ATL2: variants seen among roughly 807,000 people sequenced by gnomAD.
The protein encoded by ATL2 is atlastin-2.
Under a neutral mutation model 73.9 loss-of-function variants are expected in ATL2, and 31 were observed. The ratio of observed to expected loss-of-function variants is 0.42; its 90% CI spans 0.32 to 0.57. ATL2 has a LOEUF of 0.57. ATL2 is among the 20% of genes least tolerant of loss of function. The probability of loss-of-function intolerance (pLI) is 0.14; values close to 1 mark genes in which losing one functional copy is unlikely to be tolerated. For missense variants in ATL2, 738 were observed against 702.6 expected, an observed-to-expected ratio of 1.05 and a Z score of -0.57; for synonymous variants, 291 against 237.5, an observed-to-expected ratio of 1.23 and a Z score of -2.07.
intron 1 of ATL2, among the ~76,000 whole-genome samples, chr2:38,356,492 C>G (rs531713172): frequency 6.6e-6 from 1 of 152,112 alleles, no homozygotes; most frequent in Non-Finnish European, 1.5e-5. Flanking sequence ...CACGCCTGGC[C>G]CATTATTACT....
intron 2 of ATL2, among the ~76,000 whole-genome samples, chr2:38,337,706 T>C (rs541643977): frequency 1.6e-3 from 241 of 151,984 alleles, no homozygotes; most frequent in African/African-American, 5.4e-3. Flanking sequence ...AGTTAGATTA[T>C]AGATGAAATG....
At chr2:38,320,546 T>C (rs779329686) in intron 2 of ATL2, among the ~76,000 whole-genome samples, 1 of 152,172 alleles carries the variant, frequency 6.6e-6, no homozygotes, top group South Asian at 2.1e-4. Context: ...TATGAAATAA[T>C]ACAAAAGTTA....
At chr2:38,310,210 C>T (rs1667671872) in intron 8 of ATL2, 99 bp downstream of exon 8, 2 of 1,322,240 alleles carry the variant, frequency 1.5e-6, no homozygotes, top group Admixed American at 2.3e-5. Flanking sequence ...AAACATTCTC[C>T]AGTATAAGAC....
intron 2 of ATL2, among the ~76,000 whole-genome samples, chr2:38,341,076 A>T (rs1178675531): frequency 6.6e-6 from 1 of 152,160 alleles, no homozygotes; most frequent in Non-Finnish European, 1.5e-5. Flanking sequence ...CCTGAGGTGA[A>T]ACTTATCTGT....
At chr2:38,351,430 A>G (rs755083432) in intron 1 of ATL2, among the ~76,000 whole-genome samples, 2 of 152,116 alleles carry the variant, frequency 1.3e-5, no homozygotes, top group Non-Finnish European at 2.9e-5. Flanking sequence ...TTAGCCATAT[A>G]CTGACATATT....
chr2:38,327,151 T>C (rs1668708307), intron 2 of ATL2, among the ~76,000 whole-genome samples: 1 of 151,924 alleles, frequency 6.6e-6, no homozygotes, highest in South Asian at 2.1e-4. Context: ...AACCAAGGAA[T>C]GTTGTCGCCA....
intron 2 of ATL2, among the ~76,000 whole-genome samples, chr2:38,340,135 C>A (rs1669620419): frequency 8.2e-6 from 1 of 121,798 alleles, no homozygotes; most frequent in Admixed American, 1.2e-4. Flanking sequence ...TGAAATGAAC[C>A]TGTGGTGAAA....
chr2:38,360,990 T>C (rs895114540), intron 1 of ATL2, among the ~76,000 whole-genome samples: 8 of 151,634 alleles, frequency 5.3e-5, no homozygotes, highest in East Asian at 1.9e-4. Flanking sequence ...AGTCAGAGAA[T>C]TGAAATTAAT....
At chr2:38,343,795 C>A (rs759940711) in intron 1 of ATL2, among the ~76,000 whole-genome samples, 1 of 152,118 alleles carries the variant, frequency 6.6e-6, no homozygotes, top group Non-Finnish European at 1.5e-5. Context: ...TGGGAGGTAA[C>A]TGAATCATGG....
At chr2:38,332,586 T>G (rs1251804883) in intron 2 of ATL2, among the ~76,000 whole-genome samples, 1 of 152,238 alleles carries the variant, frequency 6.6e-6, no homozygotes, top group Non-Finnish European at 1.5e-5. Context: ...CCGCACACTT[T>G]AAGTGAATGA....
chr2:38,348,463 T>A (rs1233839245), intron 1 of ATL2, among the ~76,000 whole-genome samples: 2 of 141,408 alleles, frequency 1.4e-5, no homozygotes, highest in Non-Finnish European at 3.0e-5. Context: ...CGAAACTCCA[T>A]CTCAAAAAAA....
Position 38,343,258 on chromosome 2 carries a change from G to A in ATL2, c.363+10C>T. 6.5e-7 allele frequency: 1 copy of A among 1,537,574 alleles called. No individual in the cohort carries two copies. The highest frequency in any genetic ancestry group is 1.2e-5 in the South Asian group (1 of 81,266). ...CTTTTTAATTGGGTTCAATTTAAAA[G>A]ACTATTCACCTTGTTATACATGTAT... On this transcript the variant is annotated intron_variant, in intron 2 of 12. Coordinates refer to ENST00000378954, the MANE Select transcript of ATL2 (RefSeq NM_001135673.4).
intron 1 of ATL2, among the ~76,000 whole-genome samples, chr2:38,349,399 C>A (rs894497188): frequency 1.3e-5 from 2 of 150,802 alleles, no homozygotes; most frequent in Non-Finnish European, 2.9e-5. Flanking sequence ...TGGAAATCAT[C>A]ATTCTCAGTA....
chr2:38,312,537 C>T (rs1486407474), intron 7 of ATL2, among the ~76,000 whole-genome samples: 1 of 151,910 alleles, frequency 6.6e-6, no homozygotes, highest in Non-Finnish European at 1.5e-5. Context: ...GGTGAAACCC[C>T]GTCTCTGCTA....
At chr2:38,335,963 C>T (rs1669336531) in intron 2 of ATL2, among the ~76,000 whole-genome samples, 1 of 152,156 alleles carries the variant, frequency 6.6e-6, no homozygotes, top group East Asian at 1.9e-4. Context: ...GGAGGCGGAG[C>T]TTGCAGTGAG....
Position 38,295,671 on chromosome 2 carries a change from G to C in ATL2, c.*323C>G, listed in dbSNP as rs1666853215. ...TTAAAGAGACTCTAAATAGATTTCT[G>C]AAAATATTTCCCTGAAATATCCTTT... On this transcript the variant is annotated 3_prime_UTR_variant, in exon 13 of 13. Coordinates refer to ENST00000378954, the MANE Select transcript of ATL2 (RefSeq NM_001135673.4). 1.2e-5 allele frequency: 2 copies of C among 172,682 alleles called. No individual in the cohort carries two copies. The highest frequency in any genetic ancestry group is 2.5e-5 in the Non-Finnish European group (2 of 81,376). 10.7% of individuals were successfully genotyped at this position (172,682 alleles called of 1,614,324 possible).
chr2:38,362,139 A>G (rs1048529975), intron 1 of ATL2, among the ~76,000 whole-genome samples: 1 of 152,226 alleles, frequency 6.6e-6, no homozygotes. Context: ...CAAGCGCAGA[A>G]TAAGAATAGG....
intron 2 of ATL2, among the ~76,000 whole-genome samples, chr2:38,334,726 G>A (rs889428764): frequency 6.7e-6 from 1 of 150,320 alleles, no homozygotes; most frequent in Non-Finnish European, 1.5e-5. Flanking sequence ...AAAAAATCTG[G>A]TCAAAGTTTG....
intron 5 of ATL2, among the ~76,000 whole-genome samples, chr2:38,314,917 G>T (rs1321669680): frequency 6.6e-6 from 1 of 152,212 alleles, no homozygotes; most frequent in African/African-American, 2.4e-5. Context: ...ATAATAAAGT[G>T]AGAATTAAAT....
Sources: allele counts gnomAD v4.1 joint callset (sites outside exome capture counted in the v4.1 genomes callset), GRCh38; gene constraint gnomAD v4.1.1; transcripts MANE v1.5; gene names NCBI Gene and HGNC (gene_info 2026-07-23, HGNC 2026-07-21).